Variants in UBE2D3 observed in about 807,000 individuals in gnomAD.
UBE2D3 encodes the protein ubiquitin-conjugating enzyme E2 D3.
In UBE2D3, 2 loss-of-function variants were observed where a neutral mutation model predicts 22.8. That is an observed-to-expected ratio of 0.09 (90% CI 0.04 to 0.28). The LOEUF is 0.28. UBE2D3 is among the 10% of genes least tolerant of loss of function. UBE2D3 has a pLI of 1.00. For synonymous variants in UBE2D3, 56 were observed against 60.4 expected, an observed-to-expected ratio of 0.93 and a Z score of 0.34; for missense variants, 27 against 182.5, an observed-to-expected ratio of 0.15 and a Z score of 4.91.
chr4:102,807,665 C>A (rs1232787739), intron 4 of UBE2D3, among the ~76,000 whole-genome samples: 1 of 152,098 alleles, frequency 6.6e-6, no homozygotes, highest in Non-Finnish European at 1.5e-5. Flanking sequence ...GAATAGCCAT[C>A]ACCTGAAATA....
rs1207269429 is a variant in UBE2D3 at position 102,794,949 on chromosome 4, T to C, written c.*2466A>G. The C allele has an allele frequency of 2.0e-5, 3 of 152,096 alleles. No homozygotes were observed. The highest frequency in any genetic ancestry group is 2.0e-4 in the Admixed American group (3 of 15,258). The allele number at this position is 152,096 out of a possible 1,614,324, so 9.4% of individuals were successfully genotyped here. ...CTGATTCTAATACTCAGTTGGGTCC[T>C]ATACATGGCACTAGTAATGTCAAAT... On this transcript the variant is annotated 3_prime_UTR_variant, in exon 8 of 8. Coordinates refer to ENST00000453744, the MANE Select transcript of UBE2D3 (RefSeq NM_181891.3).
At chr4:102,803,577 CTGTA>C (rs1726543193) in intron 4 of UBE2D3, among the ~76,000 whole-genome samples, 2 of 152,170 alleles carry the variant, frequency 1.3e-5, no homozygotes, top group African/African-American at 4.8e-5. Flanking sequence ...TTGCTATATA[CTGTA>C]TGTGTGTTAA....
chr4:102,864,426 A>G (rs1259336076), intron 1 of UBE2D3, among the ~76,000 whole-genome samples: 1 of 41,534 alleles, frequency 2.4e-5, no homozygotes, highest in Non-Finnish European at 4.2e-5. Context: ...AAATCAAAGG[A>G]TGTTTAGTGG....
intron 4 of UBE2D3, among the ~76,000 whole-genome samples, chr4:102,804,038 T>TG (rs1384080200): frequency 3.9e-5 from 6 of 151,996 alleles, no homozygotes; most frequent in Non-Finnish European, 2.9e-5. Context: ...CAAAATGTGC[T>TG]GATTATAGGT....
At chr4:102,858,994 G>T (rs1284207991) in intron 1 of UBE2D3, among the ~76,000 whole-genome samples, 1 of 151,896 alleles carries the variant, frequency 6.6e-6, no homozygotes, top group Non-Finnish European at 1.5e-5. Flanking sequence ...TTACCAGGGA[G>T]TTTCATACTT....
chr4:102,853,128 C>T (rs1334824064), intron 1 of UBE2D3, among the ~76,000 whole-genome samples: 1 of 124,814 alleles, frequency 8.0e-6, no homozygotes, highest in Non-Finnish European at 1.6e-5. Flanking sequence ...TACACACAAA[C>T]ACACACATTT....
intron 1 of UBE2D3, among the ~76,000 whole-genome samples, chr4:102,857,341 G>A (rs1280871868): frequency 1.3e-5 from 2 of 152,122 alleles, no homozygotes; most frequent in Admixed American, 1.3e-4. Flanking sequence ...AATAATAAAG[G>A]ACTATACTAT....
At chr4:102,864,858 A>T (rs1733073728) in intron 1 of UBE2D3, among the ~76,000 whole-genome samples, 1 of 152,218 alleles carries the variant, frequency 6.6e-6, no homozygotes, top group Admixed American at 6.5e-5. Flanking sequence ...GGAAGAGAAT[A>T]AGCAACCCAG....
chr4:102,868,571 G>T (rs1472378221), intron 1 of UBE2D3: 1 of 978,796 alleles, frequency 1.0e-6, no homozygotes. Context: ...CTGGCCTTTG[G>T]GTGAAGGAGT....
chr4:102,827,371 G>T, intron 1 of UBE2D3, 56 bp downstream of exon 1: 1 of 985,624 alleles, frequency 1.0e-6, no homozygotes, highest in Non-Finnish European at 1.2e-6. Flanking sequence ...CTCTTACCCG[G>T]CCGGCCACTG....
intron 1 of UBE2D3, among the ~76,000 whole-genome samples, chr4:102,834,131 C>A (rs1005425881): frequency 1.7e-4 from 26 of 152,150 alleles, no homozygotes; most frequent in Non-Finnish European, 1.5e-5. Flanking sequence ...AATTTACATT[C>A]CTCTCCACTG....
chr4:102,822,667 G>C (rs1245053783), intron 2 of UBE2D3, among the ~76,000 whole-genome samples: 1 of 152,210 alleles, frequency 6.6e-6, no homozygotes, highest in Non-Finnish European at 1.5e-5. Flanking sequence ...GCCACGTGGT[G>C]GCTCACGCCT....
chr4:102,801,961 T>C (rs1343385344), intron 5 of UBE2D3: 1 of 158,290 alleles, frequency 6.3e-6, no homozygotes, highest in African/African-American at 2.4e-5. Context: ...CCACCGTACA[T>C]AAAACATAAA....
At position 102,794,679 on chromosome 4, in the gene UBE2D3, A is replaced by G. The variant is rs1725089367; in HGVS notation, c.*2736T>C. 6.6e-6 allele frequency: 1 copy of G among 152,046 alleles called. No homozygotes were observed. Among genetic ancestry groups the G allele is most frequent in the South Asian group, 2.1e-4 (1 of 4,822 alleles). 9.4% of individuals were successfully genotyped at this position (152,046 alleles called of 1,614,324 possible). ...ACAAACAAAAAAAAACAAACAAAAAAAAAAGTGAGTGTTTCACTACCCCTG... is the reference window on the plus strand; with the variant it reads ...ACAAACAAAAAAAAACAAACAAAAAGAAAAGTGAGTGTTTCACTACCCCTG... On this transcript the variant is annotated 3_prime_UTR_variant, in exon 8 of 8. Transcript: ENST00000453744.
At chr4:102,832,998 CAA>C (rs5860735) in intron 1 of UBE2D3, among the ~76,000 whole-genome samples, 7 of 125,906 alleles carry the variant, frequency 5.6e-5, no homozygotes, top group Admixed American at 7.9e-5. Context: ...CCCTGTCTCT[CAA>C]AAAAAAAAAA....
chr4:102,818,043 C>A (rs1233155784), intron 2 of UBE2D3, among the ~76,000 whole-genome samples: 4 of 152,124 alleles, frequency 2.6e-5, no homozygotes, highest in Admixed American at 2.0e-4. Flanking sequence ...AGCTCTCACA[C>A]GGCACCTGTA....
At chr4:102,860,288 G>T (rs1289863850) in intron 1 of UBE2D3, among the ~76,000 whole-genome samples, 1 of 151,374 alleles carries the variant, frequency 6.6e-6, no homozygotes, top group African/African-American at 2.4e-5. Context: ...TGTTTCTTTG[G>T]GGTCAACTGC....
At chr4:102,817,545 AGTTTC>A (rs2110305113) in intron 2 of UBE2D3, among the ~76,000 whole-genome samples, 1 of 152,314 alleles carries the variant, frequency 6.6e-6, no homozygotes, top group South Asian at 2.1e-4. Context: ...ACTAGGGGTA[AGTTTC>A]AAAAAGGTTC....
intron 2 of UBE2D3, among the ~76,000 whole-genome samples, chr4:102,824,164 T>C (rs1348816971): frequency 6.6e-6 from 1 of 152,238 alleles, no homozygotes; most frequent in African/African-American, 2.4e-5. Flanking sequence ...AATGTTCACA[T>C]AAACACTGGT....
Sources: gnomAD v4.1 joint callset for allele counts (sites outside exome capture counted in the v4.1 genomes callset) on GRCh38, gnomAD v4.1.1 for gene constraint, MANE v1.5 for transcripts, NCBI Gene and HGNC (gene_info 2026-07-23, HGNC 2026-07-21) for gene names.